PRR12: variants seen among roughly 807,000 people sequenced by gnomAD.
The protein encoded by PRR12 is proline-rich protein 12.
PRR12 carries 12 observed loss-of-function variants against 138.0 expected under a neutral mutation model. The ratio of observed to expected loss-of-function variants is 0.09; its 90% confidence interval spans 0.06 to 0.14. The LOEUF (loss-of-function observed/expected upper bound fraction) is 0.14, where lower values mean the gene tolerates loss of function less well. Ranked by LOEUF, PRR12 falls within the 10% of genes least tolerant of loss-of-function variation. The pLI, the probability that PRR12 is intolerant of heterozygous loss-of-function variation, is 1.00. For synonymous variants in PRR12, 1,567 were observed against 1,291.7 expected (o/e 1.21, Z -4.57); for missense variants, 2,692 against 2,861.3 (o/e 0.94, Z 1.35).
Position 49,625,265 on chromosome 19 carries a change from T to C in PRR12, c.5964+65T>C, listed in dbSNP as rs7257224. 0.04 allele frequency: 61,769 copies of C among 1,553,326 alleles called. 1,771 individuals are homozygous for C. Among genetic ancestry groups the C allele is most frequent in the South Asian group, 0.1 (9,270 of 88,676 alleles). ...ACCTTTCTGACTTCCTCTTGGGATC[T>C]GAGGGTCCAAGCCCAGCCCCATCCT... On this transcript the variant is annotated intron_variant, in intron 13 of 13. Coordinates refer to ENST00000418929, the MANE Select transcript of PRR12 (RefSeq NM_020719.3). This position sits in a 1 kb window ranked among gnomAD's most constrained non-coding sequence, Gnocchi z 5.5.
intron 5 of PRR12, among the ~76,000 whole-genome samples, chr19:49,600,570 T>C (rs2080804714): frequency 6.6e-6 from 1 of 151,864 alleles, no homozygotes; most frequent in Non-Finnish European, 1.5e-5. Flanking sequence ...GGAGGATCGC[T>C]TGAGCCCAGG....
intron 1 of PRR12, 137 bp from the exon 2 acceptor site, chr19:49,593,190 G>C: frequency 1.7e-6 from 1 of 593,814 alleles, no homozygotes. Flanking sequence ...TCCCCTTTAG[G>C]GCCTACGGTT....
chr19:49,604,398 C>G (rs1376415846), intron 6 of PRR12, among the ~76,000 whole-genome samples: 1 of 151,558 alleles, frequency 6.6e-6, no homozygotes, highest in African/African-American at 2.4e-5. Context: ...ACATCGTAGG[C>G]CAGGTGCGGT....
chr19:49,599,681 G>A lies in PRR12; in HGVS notation c.4088G>A (p.Cys1363Tyr). The part of the protein sequence containing the change: ...EGLGLGCPSP[C>Y]KRLDEELKRN... ...CTGGGGCTTGGCTGCCCTTCACCCT[G>A]CAAGCGGCTTGATGAGGAGCTGAAG... The change falls in exon 5 of 14, where the codon TGC becomes TAC. Residue 1363 changes from cysteine to tyrosine, a missense_variant. This residue lies in a region of PRR12 where 22 missense variants were observed against 59.2 expected (regional missense o/e 0.37). Coordinates refer to ENST00000418929, the MANE Select transcript of PRR12 (RefSeq NM_020719.3). This position sits in a 1 kb window ranked among gnomAD's most constrained non-coding sequence, Gnocchi z 5.0. 3 of 1,613,448 alleles carry A rather than the reference G, an allele frequency of 1.9e-6. No individual in the cohort carries two copies. Among genetic ancestry groups the A allele is most frequent in the African/African-American group, 2.7e-5 (2 of 75,062 alleles).
Position 49,594,366 on chromosome 19 carries a change from C to G in PRR12, c.200-88C>G. 7.5e-7 allele frequency: 1 copy of G among 1,331,260 alleles called. No individual in the cohort carries two copies. The highest frequency in any genetic ancestry group is 1.0e-6 in the Non-Finnish European group (1 of 976,448). 82.5% of individuals were successfully genotyped at this position (1,331,260 alleles called of 1,614,324 possible). A position where few individuals can be genotyped will look rare whatever the true frequency, so the allele number is the denominator to read the frequency against. On this transcript the variant is annotated intron_variant, in intron 2 of 13. Coordinates refer to ENST00000418929, the MANE Select transcript of PRR12 (RefSeq NM_020719.3). The surrounding 1 kb of genome is among the most constrained non-coding windows in gnomAD (Gnocchi z 5.6). ...TCTCCCATCCCCTCCTTTTCCTGAT[C>G]CAACTTGCTTTTGGCCTCTTCCCTT...
chr19:49,610,546 A>ATTTTTTTTTTTTTTTTTTT (rs922178889), intron 6 of PRR12, among the ~76,000 whole-genome samples: 1 of 121,650 alleles, frequency 8.2e-6, no homozygotes, highest in Non-Finnish European at 1.6e-5. Flanking sequence ...CCCTGTTCCT[A>ATTTTTTTTTTTTTTTTTTT]TTTTTTTTTT....
chr19:49,595,637 G>A lies in PRR12; in HGVS notation c.1302G>A (p.Gly434=). The stretch of plus-strand genomic sequence containing the variant: ...CCTATGCCACTGGGAAGGCCTCTGG[G>A]GCTGGAGGGGCAGGGGGCCAGGCTT... ...AAAYATGKAS[G]AGGAGGQAYS... The change falls in exon 4 of 14, where the codon GGG becomes GGA. Residue 434 remains glycine, a synonymous_variant. Coordinates refer to ENST00000418929, the MANE Select transcript of PRR12 (RefSeq NM_020719.3). 6.2e-7 allele frequency: 1 copy of A among 1,606,166 alleles called. No individual in the cohort carries two copies. Among genetic ancestry groups the A allele is most frequent in the South Asian group, 1.1e-5 (1 of 90,280 alleles).
rs538314917 is a variant in PRR12, at chr19:49,616,922, A to T, written c.5497+703A>T. 6.6e-6 allele frequency among the ~76,000 whole-genome samples: 1 copy of T among 152,152 alleles called. No homozygotes were observed. Among genetic ancestry groups the T allele is most frequent in the Non-Finnish European group, 1.5e-5 (1 of 68,032 alleles). On this transcript the variant is annotated intron_variant, in intron 9 of 13. Coordinates refer to ENST00000418929, the MANE Select transcript of PRR12 (RefSeq NM_020719.3). This position sits in a 1 kb window ranked among gnomAD's most constrained non-coding sequence, Gnocchi z 4.2. ...GGTGGGCGGATCAGCTGAGGTCAGGAGTTCAAGACCAGCCTGACCAACATG... is the reference window on the plus strand; with the variant it reads ...GGTGGGCGGATCAGCTGAGGTCAGGTGTTCAAGACCAGCCTGACCAACATG...
rs757597686 is a variant in PRR12 at position 49,599,924 on chromosome 19, G to A, written c.4331G>A (p.Ser1444Asn). 30 of 1,603,796 alleles carry A rather than the reference G, an allele frequency of 1.9e-5. No homozygotes were observed. Among genetic ancestry groups the A allele is most frequent in the Middle Eastern group, 1.7e-4 (1 of 6,054 alleles). ...PPLPGLPSAN[S>N]NGTPEPPLLE... Reference sequence around the variant, plus strand: ...CTTCCGGGGCTCCCCAGTGCCAACAGCAATGGCACTCCCGGTGAGCTCTGG... The same window carrying A: ...CTTCCGGGGCTCCCCAGTGCCAACAACAATGGCACTCCCGGTGAGCTCTGG... The change falls in exon 5 of 14, where the codon AGC becomes AAC. Residue 1444 changes from serine (S) to asparagine (N), a missense_variant. Ser to Asn is a conservative substitution (Grantham distance 46, BLOSUM62 1). This residue lies in a region of PRR12 where 231 missense variants were observed against 200.8 expected (regional missense o/e 1.15). Transcript: ENST00000418929. This position sits in a 1 kb window ranked among gnomAD's most constrained non-coding sequence, Gnocchi z 5.0.
chr19:49,596,312 C>T lies in PRR12; in HGVS notation c.1977C>T (p.Asp659=), dbSNP rs184278008. ...APSPPRTSGA[D]GLVGEDGAAD... ...GCCCTCCTCGGACCTCAGGGGCGGA[C>T]GGCTTGGTGGGCGAGGACGGGGCAG... The change falls in exon 4 of 14, where the codon GAC becomes GAT. Residue 659 remains aspartate (D), a synonymous_variant. Coordinates refer to ENST00000418929, the MANE Select transcript of PRR12 (RefSeq NM_020719.3). The surrounding 1 kb of genome is among the most constrained non-coding windows in gnomAD (Gnocchi z 5.6). 8.7e-4 allele frequency: 1,409 copies of T among 1,610,834 alleles called. 6 individuals carry two copies. The highest frequency in any genetic ancestry group is 1.7e-3 in the Admixed American group (102 of 59,860).
At position 49,621,601 on chromosome 19, in the gene PRR12, G is replaced by T. The variant is rs1220719420; in HGVS notation, c.5700G>T (p.Leu1900=). Residue 1900 remains leucine, a synonymous_variant, in exon 11 of 14, where the codon CTG becomes CTT. Coordinates refer to ENST00000418929, the MANE Select transcript of PRR12 (RefSeq NM_020719.3). ...NEHKKKVLKR[L]SLSPALQDAL... ...ACAAGAAGAAAGTCCTGAAGCGGCT[G>T]TCGCTAAGCCCAGCCCTGCAGGTGC... The T allele has an allele frequency of 1.3e-6, 2 of 1,598,214 alleles. No individual in the cohort carries two copies. The highest frequency in any genetic ancestry group is 1.7e-6 in the Non-Finnish European group (2 of 1,172,930).
At chr19:49,619,572 G>A (rs1212327639) in intron 9 of PRR12, among the ~76,000 whole-genome samples, 6 of 97,738 alleles carry the variant, frequency 6.1e-5, no homozygotes, top group Admixed American at 1.5e-4. Flanking sequence ...ACGGAGTTTC[G>A]CTCTTGTTGT....
intron 6 of PRR12, among the ~76,000 whole-genome samples, chr19:49,602,388 A>G (rs1024681320): frequency 2.0e-5 from 3 of 152,154 alleles, no homozygotes; most frequent in African/African-American, 7.2e-5. Context: ...ATACACACTT[A>G]TGTAACCTGT....
At chr19:49,601,194 T>C (rs193164483) in intron 5 of PRR12, among the ~76,000 whole-genome samples, 23 of 151,744 alleles carry the variant, frequency 1.5e-4, no homozygotes, top group African/African-American at 5.6e-4. Flanking sequence ...GAGGTGATGA[T>C]TTAGGAGTTG....
intron 4 of PRR12, 62 bp downstream of exon 4, chr19:49,598,075 CTTTT>C (rs575895022): frequency 3.3e-4 from 373 of 1,137,430 alleles, no homozygotes; most frequent in South Asian, 6.6e-4. Context: ...ATGTTTGAGT[CTTTT>C]TTTTTTTTTT....
In PRR12 at chr19:49,594,346, C is replaced by T; in HGVS notation, c.200-108C>T. On this transcript the variant is annotated intron_variant, in intron 2 of 13. Coordinates refer to ENST00000418929, the MANE Select transcript of PRR12 (RefSeq NM_020719.3). The surrounding 1 kb of genome is among the most constrained non-coding windows in gnomAD (Gnocchi z 5.6). The stretch of plus-strand genomic sequence containing the variant: ...TTTTTGAATTTGCCCTTTTCTCTCC[C>T]ATCCCCTCCTTTTCCTGATCCAACT... 1 of 1,113,252 alleles carries T rather than the reference C, an allele frequency of 9.0e-7. No individual in the cohort carries two copies. The highest frequency in any genetic ancestry group is 1.3e-6 in the Non-Finnish European group (1 of 786,596). 69.0% of individuals were successfully genotyped at this position (1,113,252 alleles called of 1,614,324 possible).
rs927448221 is a variant in PRR12 at position 49,596,514 on chromosome 19, G to A, written c.2179G>A (p.Glu727Lys). 9.3e-6 allele frequency: 15 copies of A among 1,609,986 alleles called. No homozygotes were observed. The highest frequency in any genetic ancestry group is 1.1e-5 in the Non-Finnish European group (13 of 1,178,856). The change falls in exon 4 of 14, where the codon GAG (glutamate) becomes AAG (lysine). Residue 727 changes from glutamate (E) to lysine (K), a missense_variant. Transcript: ENST00000418929. This position sits in a 1 kb window ranked among gnomAD's most constrained non-coding sequence, Gnocchi z 5.6. ...GGAGCTGGGCCTGGGGAGGCTGAAG[G>A]AGAAGAAGAAAGGGCCAGAGCGGGG... is the stretch of plus-strand genomic sequence containing the variant. ...ALELGLGRLK[E>K]KKKGPERGGE...
intron 9 of PRR12, among the ~76,000 whole-genome samples, chr19:49,619,969 C>G (rs1040381521): frequency 3.3e-5 from 5 of 151,082 alleles, no homozygotes; most frequent in African/African-American, 1.2e-4. Flanking sequence ...CGTCCTACCT[C>G]AGCCTTCCGA....
intron 5 of PRR12, 68 bp downstream of exon 5, chr19:49,600,006 G>A: frequency 7.0e-7 from 1 of 1,421,914 alleles, no homozygotes; most frequent in Non-Finnish European, 9.4e-7. Context: ...TAACAGTTGT[G>A]CAGGTTACGC....
Sources: allele counts gnomAD v4.1 joint callset (sites outside exome capture counted in the v4.1 genomes callset), GRCh38; gene constraint gnomAD v4.1.1; regional missense constraint gnomAD v4.1.1; non-coding constraint Gnocchi (gnomAD v3.1); transcripts MANE v1.5; gene names NCBI Gene and HGNC (gene_info 2026-07-23, HGNC 2026-07-21).